The following GPR176 variants were observed in gnomAD, a reference collection of about 807,000 sequenced individuals.
The protein encoded by GPR176 is G protein-coupled receptor 176, also known as G-protein coupled receptor 176.
In GPR176, 26 loss-of-function variants were observed where a neutral mutation model predicts 35.4. That is an observed-to-expected ratio of 0.74 (90% confidence interval 0.54 to 1.02). The LOEUF is 1.02. Among genes scored for constraint, GPR176 ranks in the 50% least tolerant of loss-of-function variants. The pLI is 0.00. For missense variants in GPR176, 597 were observed against 665.3 expected (o/e 0.90, Z 1.13); for synonymous variants, 278 against 271.3 (o/e 1.02, Z -0.24).
intron 1 of GPR176, chr15:39,815,169 G>C (rs1198356419): frequency 6.6e-6 from 1 of 152,320 alleles, no homozygotes; most frequent in Non-Finnish European, 1.5e-5. Context: ...CAGAGGAAAA[G>C]AAACATGGAG....
At chr15:39,860,179 C>CATT (rs2140825137) in intron 1 of GPR176, among the ~76,000 whole-genome samples, 1 of 152,254 alleles carries the variant, frequency 6.6e-6, no homozygotes, top group Non-Finnish European at 1.5e-5. Flanking sequence ...ACATGCTTTT[C>CATT]ATTAGTGGAT....
intron 1 of GPR176, among the ~76,000 whole-genome samples, chr15:39,894,251 G>A (rs1378437653): frequency 2.9e-4 from 41 of 139,430 alleles, no homozygotes; most frequent in Non-Finnish European, 6.5e-5. Context: ...GCGGCTGGCC[G>A]GGTTGGGGGC....
intron 1 of GPR176, among the ~76,000 whole-genome samples, chr15:39,827,399 G>C (rs372377000): frequency 6.6e-6 from 1 of 152,168 alleles, no homozygotes; most frequent in African/African-American, 2.4e-5. Context: ...AAAAAGGAGG[G>C]GCGGCATGAG....
At chr15:39,848,622 C>T (rs2030617613) in intron 1 of GPR176, among the ~76,000 whole-genome samples, 2 of 151,924 alleles carry the variant, frequency 1.3e-5, no homozygotes, top group South Asian at 2.1e-4. Context: ...TGTTCTCCAA[C>T]CACAATGGAA....
intron 1 of GPR176, among the ~76,000 whole-genome samples, chr15:39,824,521 A>C (rs370657229): frequency 6.6e-6 from 1 of 152,196 alleles, no homozygotes; most frequent in East Asian, 1.9e-4. Context: ...GTTTGTAGCA[A>C]TTATTATATT....
intron 1 of GPR176, among the ~76,000 whole-genome samples, chr15:39,878,095 C>CGTGTGTGTGTGT (rs1411063695): frequency 2.2e-3 from 88 of 40,920 alleles, no homozygotes; most frequent in Non-Finnish European, 3.0e-3. Flanking sequence ...CCCATAGTTA[C>CGTGTGTGTGTGT]CTGTGTGTGT....
intron 1 of GPR176, among the ~76,000 whole-genome samples, chr15:39,880,010 T>C (rs1305593035): frequency 6.6e-6 from 1 of 152,204 alleles, no homozygotes; most frequent in Non-Finnish European, 1.5e-5. Context: ...ACAATTCCTA[T>C]ACTTATCAAC....
intron 1 of GPR176, among the ~76,000 whole-genome samples, chr15:39,865,361 A>T (rs984003214): frequency 6.6e-6 from 1 of 152,216 alleles, no homozygotes; most frequent in Non-Finnish European, 1.5e-5. Context: ...ATGGAATATT[A>T]TTCAACCATA....
intron 1 of GPR176, among the ~76,000 whole-genome samples, chr15:39,900,699 A>G (rs1291518287): frequency 1.3e-5 from 2 of 152,160 alleles, no homozygotes; most frequent in Admixed American, 1.3e-4. Context: ...CCACCATTCC[A>G]GAAGAAGGCA....
At chr15:39,913,617 A>G (rs2033637481) in intron 1 of GPR176, among the ~76,000 whole-genome samples, 2 of 152,090 alleles carry the variant, frequency 1.3e-5, no homozygotes, top group Admixed American at 1.3e-4. Flanking sequence ...GGCTCAAGGT[A>G]TTGAGGGGAA....
At chr15:39,849,016 A>G (rs1359097213) in intron 1 of GPR176, among the ~76,000 whole-genome samples, 2 of 152,012 alleles carry the variant, frequency 1.3e-5, no homozygotes, top group East Asian at 1.9e-4. Context: ...AATAGATAAA[A>G]ATCAGTGAAA....
chr15:39,905,379 G>C (rs1023197171), intron 1 of GPR176, among the ~76,000 whole-genome samples: 1 of 149,928 alleles, frequency 6.7e-6, no homozygotes, highest in Non-Finnish European at 1.5e-5. Context: ...GGGAGGCTAA[G>C]GCAGGAGGAG....
At chr15:39,906,011 T>G (rs922913831) in intron 1 of GPR176, among the ~76,000 whole-genome samples, 2 of 152,222 alleles carry the variant, frequency 1.3e-5, no homozygotes, top group Non-Finnish European at 2.9e-5. Flanking sequence ...CTGTATTTAT[T>G]ATTCCTTATA....
At chr15:39,807,706 G>A in intron 1 of GPR176, 1 of 629,688 alleles carries the variant, frequency 1.6e-6, no homozygotes, top group Non-Finnish European at 2.9e-6. Flanking sequence ...AAGAGAAGCA[G>A]GTGAGATTTT....
intron 1 of GPR176, among the ~76,000 whole-genome samples, chr15:39,885,763 A>G (rs982949426): frequency 2.6e-5 from 4 of 152,252 alleles, no homozygotes; most frequent in African/African-American, 9.6e-5. Flanking sequence ...ATGGCAAGAA[A>G]GAAAAATAAT....
chr15:39,897,597 A>ATTTTT (rs1491229135), intron 1 of GPR176, among the ~76,000 whole-genome samples: 59 of 93,812 alleles, frequency 6.3e-4, no homozygotes, highest in Middle Eastern at 5.5e-3. Flanking sequence ...AAACATCCAA[A>ATTTTT]TATTTTTTTT....
intron 1 of GPR176, among the ~76,000 whole-genome samples, chr15:39,848,922 A>C (rs1283875148): frequency 6.6e-6 from 1 of 151,134 alleles, no homozygotes; most frequent in Non-Finnish European, 1.5e-5. Context: ...AAGTAAAAAA[A>C]AAAAAAACCT....
chr15:39,808,893 A>G (rs1288186402), intron 1 of GPR176, among the ~76,000 whole-genome samples: 1 of 152,178 alleles, frequency 6.6e-6, no homozygotes, highest in Non-Finnish European at 1.5e-5. Flanking sequence ...ACTGAATCAC[A>G]GTGCATAAGT....
chr15:39,916,322 A>T (rs2033725092), intron 1 of GPR176, among the ~76,000 whole-genome samples: 1 of 152,192 alleles, frequency 6.6e-6, no homozygotes, highest in Non-Finnish European at 1.5e-5. Context: ...TCTACAACAT[A>T]CCTAAAGATA....
Sources: allele counts gnomAD v4.1 joint callset (sites outside exome capture counted in the v4.1 genomes callset), GRCh38; gene constraint gnomAD v4.1.1; transcripts MANE v1.5; gene names NCBI Gene and HGNC (gene_info 2026-07-23, HGNC 2026-07-21).